AP1G1: variants seen among roughly 807,000 people sequenced by gnomAD.
The protein encoded by AP1G1 is AP-1 complex subunit gamma-1.
AP1G1 carries 7 observed loss-of-function variants against 108.3 expected under a neutral mutation model. That is an observed-to-expected ratio of 0.06 (90% CI 0.04 to 0.12). The LOEUF is 0.12. AP1G1 is among the 10% of genes least tolerant of loss of function. The probability of loss-of-function intolerance (pLI) is 1.00; values close to 1 mark genes in which losing one functional copy is unlikely to be tolerated. For synonymous variants in AP1G1, 379 were observed against 353.5 expected, an observed-to-expected ratio of 1.07 and a Z score of -0.81; for missense variants, 756 against 1,010.7, an observed-to-expected ratio of 0.75 and a Z score of 3.42.
At chr16:71,767,965 A>C in intron 6 of AP1G1, 1 of 1,445,332 alleles carries the variant, frequency 6.9e-7, no homozygotes, top group Admixed American at 1.7e-5. Context: ...CGGGTCTCAT[A>C]CTATATTACA....
chr16:71,760,650 TCCTCCCACCTCAG>T (rs949171672), intron 10 of AP1G1, among the ~76,000 whole-genome samples: 5 of 151,792 alleles, frequency 3.3e-5, no homozygotes, highest in African/African-American at 7.3e-5. Context: ...GTTCAGGTGA[TCCTCCCACCTCAG>T]CCTCCTGAGT....
chr16:71,732,977 G>A lies in AP1G1; in HGVS notation c.*81C>T. On this transcript the variant is annotated 3_prime_UTR_variant, in exon 23 of 23. Transcript: ENST00000299980. ...TCCTCATGCCCGTGGTACAGTTGGG[G>A]GGGACTTGCCAGCAATCACAACCTC... is the stretch of plus-strand genomic sequence containing the variant. 1 of 1,123,522 alleles carries A rather than the reference G, an allele frequency of 8.9e-7. No individual in the cohort carries two copies. The highest frequency in any genetic ancestry group is 1.3e-6 in the Non-Finnish European group (1 of 758,064). The allele number at this position is 1,123,522 out of a possible 1,614,324, so 69.6% of individuals were successfully genotyped here.
At position 71,773,442 on chromosome 16, in the gene AP1G1, T is replaced by G. The variant is rs1438421220; in HGVS notation, c.327-80A>C. ...TTCACAATTTCAAACTAGTTCAGGA[T>G]GACTCAAGATTTCTCCAATAACAAA... On this transcript the variant is annotated intron_variant, in intron 3 of 22. Transcript: ENST00000299980. 4 of 1,355,054 alleles carry G rather than the reference T, an allele frequency of 3.0e-6. No homozygotes were observed. In the South Asian group the frequency reaches 6.9e-5, roughly 23 times the overall value. 83.9% of individuals were successfully genotyped at this position (1,355,054 alleles called of 1,614,324 possible). A position where few individuals can be genotyped will look rare whatever the true frequency, so the allele number is the denominator to read the frequency against.
intron 21 of AP1G1, among the ~76,000 whole-genome samples, chr16:71,736,320 T>G (rs748096852): frequency 6.7e-6 from 1 of 148,916 alleles, no homozygotes; most frequent in Non-Finnish European, 1.5e-5. Flanking sequence ...AATTTTTAAA[T>G]GTATCCTAAT....
At chr16:71,773,153 A>G (rs1316798318) in intron 4 of AP1G1, 68 bp downstream of exon 4, 2 of 1,546,730 alleles carry the variant, frequency 1.3e-6, no homozygotes, top group African/African-American at 2.7e-5. Context: ...TTCAAAAATG[A>G]GTAATCTGCC....
intron 1 of AP1G1, among the ~76,000 whole-genome samples, chr16:71,790,907 C>T (rs971054980): frequency 6.6e-6 from 1 of 152,090 alleles, no homozygotes; most frequent in African/African-American, 2.4e-5. Context: ...TTTTGCTCTC[C>T]AAAGGACATC....
At chr16:71,777,166 T>G (rs550231589) in intron 2 of AP1G1, among the ~76,000 whole-genome samples, 12 of 138,176 alleles carry the variant, frequency 8.7e-5, no homozygotes, top group Admixed American at 5.1e-4. Flanking sequence ...GGGAGGCAGC[T>G]GTGGGGTTTG....
Position 71,789,308 on chromosome 16 carries a change from T to C in AP1G1, c.172A>G (p.Met58Val). The change falls in exon 2 of 23, where the codon ATG (methionine) becomes GTG (valine). Residue 58 changes from methionine (M) to valine (V), a missense_variant. By Grantham distance (21) the Met-to-Val change is conservative. Around this residue, in one of 3 missense-constraint regions of AP1G1, gnomAD observed 304 missense variants for 483.6 expected, o/e 0.63. Coordinates refer to ENST00000299980, the MANE Select transcript of AP1G1 (RefSeq NM_001128.6). Reference sequence around the variant, plus strand: ...CCAAAGTGAGCAGGGTAGCCCAGCATGTGCATATACAGTAATTTTGCCACA... The same window carrying C: ...CCAAAGTGAGCAGGGTAGCCCAGCACGTGCATATACAGTAATTTTGCCACA... The part of the protein sequence containing the change: ...RNVAKLLYMH[M>V]LGYPAHFGQL... 1 of 1,614,176 alleles carries C rather than the reference T, an allele frequency of 6.2e-7. No individual in the cohort carries two copies. Among genetic ancestry groups the C allele is most frequent in the Non-Finnish European group, 8.5e-7 (1 of 1,180,016 alleles).
chr16:71,742,447 C>T (rs1372929784), intron 19 of AP1G1: 1 of 152,068 alleles, frequency 6.6e-6, no homozygotes, highest in African/African-American at 2.4e-5. Flanking sequence ...TGCGGTTAAA[C>T]ATATAAATTG....
At chr16:71,754,288 AGAAGGAAG>A (rs374197630) in intron 12 of AP1G1, among the ~76,000 whole-genome samples, 17 of 151,110 alleles carry the variant, frequency 1.1e-4, no homozygotes, top group African/African-American at 3.4e-4. Flanking sequence ...ATGGAAGGAA[AGAAGGAAG>A]GAAGGAAGGA....
At chr16:71,751,438 C>T (rs1400768412) in intron 13 of AP1G1, 1 of 149,880 alleles carries the variant, frequency 6.7e-6, no homozygotes, top group Non-Finnish European at 1.5e-5. Flanking sequence ...TGAGACCAGT[C>T]CTAACCATGT....
At chr16:71,765,458 A>G (rs1246245389) in intron 7 of AP1G1, 31 bp downstream of exon 7, 6 of 1,481,236 alleles carry the variant, frequency 4.1e-6, no homozygotes, top group Non-Finnish European at 5.6e-6. Flanking sequence ...AATTCATATA[A>G]CATTTATTTA....
intron 2 of AP1G1, among the ~76,000 whole-genome samples, chr16:71,778,519 C>A (rs1016807548): frequency 1.3e-5 from 2 of 151,954 alleles, no homozygotes; most frequent in Admixed American, 1.3e-4. Flanking sequence ...CCTGTCTCTA[C>A]TGAAATACAA....
At chr16:71,777,487 G>A (rs924695250) in intron 2 of AP1G1, 8 of 220,872 alleles carry the variant, frequency 3.6e-5, no homozygotes, top group Admixed American at 1.1e-4. Flanking sequence ...AGAGGGTGGC[G>A]GCTCTGGTGC....
At position 71,739,305 on chromosome 16, in the gene AP1G1, G is replaced by A. The variant is rs370705469; in HGVS notation, c.2036C>T (p.Pro679Leu). The A allele has an allele frequency of 1.9e-6, 3 of 1,611,104 alleles. No individual in the cohort carries two copies. The highest frequency in any genetic ancestry group is 2.5e-6 in the Non-Finnish European group (3 of 1,179,354). Residue 679 changes from proline (P) to leucine (L), a missense_variant, in exon 20 of 23, where the codon CCA becomes CTA. By Grantham distance (98) the Pro-to-Leu change is moderately conservative. Coordinates refer to ENST00000299980, the MANE Select transcript of AP1G1 (RefSeq NM_001128.6). ...PAAAPAPASV[P>L]QISQPPFLLD... is the part of the protein sequence containing the mutation. ...CAAGAAGGGGGGCTGGGATATCTGT[G>A]GGACTGAGGCAGGGGCAGGAGCAGC...
At chr16:71,773,901 T>A (rs558327146) in intron 3 of AP1G1, among the ~76,000 whole-genome samples, 131 of 142,910 alleles carry the variant, frequency 9.2e-4, no homozygotes, top group African/African-American at 2.9e-3. Context: ...TAGCTGGGAC[T>A]ACAGGCGCAC....
rs748508767 is a variant in AP1G1 at position 71,775,019 on chromosome 16, CT to C, written c.202-428del. On this transcript the variant is annotated intron_variant, in intron 2 of 22. Coordinates refer to ENST00000299980, the MANE Select transcript of AP1G1 (RefSeq NM_001128.6). ...TACAGGCATGAGCCACCGCGCCTGG[CT>C]TTTTTTTTTTTTTTTTTTTTTTGAG... is the stretch of plus-strand genomic sequence containing the variant. Among the ~76,000 whole-genome samples the C allele has an allele frequency of 7.3e-3, 506 of 69,700 alleles. 4 individuals are homozygous for C. The highest frequency in any genetic ancestry group is 0.021 in the African/African-American group (326 of 15,490). The allele number at this position is 69,700 out of a possible 152,430, so 45.7% of individuals were successfully genotyped here.
At chr16:71,750,094 G>C (rs2030405380) in intron 14 of AP1G1, 111 bp from the exon 15 acceptor site, 1 of 1,469,254 alleles carries the variant, frequency 6.8e-7, no homozygotes, top group African/African-American at 1.4e-5. Flanking sequence ...TATCTAGAGT[G>C]TTAGAAATAA....
chr16:71,800,795 C>T (rs1184699769), intron 1 of AP1G1, among the ~76,000 whole-genome samples: 12 of 149,626 alleles, frequency 8.0e-5, no homozygotes, highest in Non-Finnish European at 7.4e-5. Flanking sequence ...AGCGAGACTC[C>T]GTCTCAAAAA....
Sources: gnomAD v4.1 joint callset for allele counts (sites outside exome capture counted in the v4.1 genomes callset) on GRCh38, gnomAD v4.1.1 for gene constraint, gnomAD v4.1.1 regional missense constraint, MANE v1.5 for transcripts, NCBI Gene and HGNC (gene_info 2026-07-23, HGNC 2026-07-21) for gene names.